The following ZMIZ1 variants were observed in gnomAD, a reference collection of about 807,000 sequenced individuals.
The protein encoded by ZMIZ1 is zinc finger MIZ domain-containing protein 1.
ZMIZ1 carries 17 observed loss-of-function variants against 113.9 expected under a neutral mutation model. The ratio of observed to expected loss-of-function variants is 0.15; its 90% CI spans 0.10 to 0.22. The LOEUF (loss-of-function observed/expected upper bound fraction) is 0.22, where lower values mean the gene tolerates loss of function less well. ZMIZ1 is among the 10% of genes least tolerant of loss of function. The pLI is 1.00. For missense variants in ZMIZ1, 1,059 were observed against 1,477.8 expected (o/e 0.72, Z 4.65); for synonymous variants, 607 against 603.1 (o/e 1.01, Z -0.09).
intron 3 of ZMIZ1, among the ~76,000 whole-genome samples, chr10:79,158,262 C>T (rs192882099): frequency 6.6e-6 from 1 of 152,304 alleles, no homozygotes; most frequent in Non-Finnish European, 1.5e-5. Flanking sequence ...GATGGAAGCC[C>T]TGAACTCCAG....
chr10:79,099,353 G>A (rs558334801), intron 1 of ZMIZ1, among the ~76,000 whole-genome samples: 1 of 152,230 alleles, frequency 6.6e-6, no homozygotes, highest in African/African-American at 2.4e-5. Flanking sequence ...CCTTCCCCAG[G>A]CTGCCTTTGA....
chr10:79,162,894 T>G (rs1370430493), intron 4 of ZMIZ1, among the ~76,000 whole-genome samples: 1 of 152,148 alleles, frequency 6.6e-6, no homozygotes, highest in African/African-American at 2.4e-5. Context: ...GAGGAGCAAC[T>G]GAGAGCAGCT....
intron 1 of ZMIZ1, among the ~76,000 whole-genome samples, chr10:79,085,379 GC>G (rs1842778381): frequency 6.6e-6 from 1 of 152,216 alleles, no homozygotes; most frequent in East Asian, 1.9e-4. Context: ...CGCCAGGCCC[GC>G]AGTTGAGTTC....
intron 7 of ZMIZ1, among the ~76,000 whole-genome samples, chr10:79,232,910 A>G (rs1339533872): frequency 6.6e-6 from 1 of 152,144 alleles, no homozygotes; most frequent in Admixed American, 6.5e-5. Context: ...TGGGGTTCCA[A>G]GCATCCAAGG....
At chr10:79,193,660 C>T (rs188418835) in intron 4 of ZMIZ1, among the ~76,000 whole-genome samples, 18 of 152,150 alleles carry the variant, frequency 1.2e-4, no homozygotes. Context: ...AGTGCTGCTA[C>T]GATGGGGGTG....
rs552522808 is a variant in ZMIZ1 at position 79,288,496 on chromosome 10, C to G, written c.426-1279C>G. 3.9e-4 allele frequency among the ~76,000 whole-genome samples: 59 copies of G among 152,106 alleles called. No individual in the cohort carries two copies. The South Asian group carries it at 0.011, about 27-fold the overall frequency. On this transcript the variant is annotated intron_variant, in intron 8 of 24. Coordinates refer to ENST00000334512, the MANE Select transcript of ZMIZ1 (RefSeq NM_020338.4). ...CTCTTTCCTGTTGCCCGGCCCTTCT[C>G]CCAATTTCCCTCCCCCAACACACAT... is the stretch of plus-strand genomic sequence containing the variant.
intron 4 of ZMIZ1, among the ~76,000 whole-genome samples, chr10:79,166,865 A>G (rs1189690569): frequency 6.6e-6 from 1 of 152,260 alleles, no homozygotes; most frequent in Non-Finnish European, 1.5e-5. Flanking sequence ...GGCCTTGGTC[A>G]GCCAGTCTTC....
At chr10:79,278,668 T>C (rs1268717586) in intron 8 of ZMIZ1, among the ~76,000 whole-genome samples, 1 of 151,896 alleles carries the variant, frequency 6.6e-6, no homozygotes, top group African/African-American at 2.4e-5. Context: ...TTCAAGCATC[T>C]GTTTAACAAA....
In ZMIZ1 at chr10:79,254,759, G is replaced by A. The variant is rs560778472; in HGVS notation, c.281-22422G>A. Among the ~76,000 whole-genome samples the A allele has an allele frequency of 4.6e-5, 7 of 152,290 alleles. 1 individual carries two copies. The highest frequency in any genetic ancestry group is 4.6e-4 in the Admixed American group (7 of 15,306). ...TTTAGACAGGTGGGCGGGGGCGTTGGTGGGTGAGGGTGCCAGGCAATGCAG... is the reference window on the plus strand; with the variant it reads ...TTTAGACAGGTGGGCGGGGGCGTTGATGGGTGAGGGTGCCAGGCAATGCAG... On this transcript the variant is annotated intron_variant, in intron 7 of 24. Transcript: ENST00000334512.
chr10:79,092,837 G>T (rs1047321441), intron 1 of ZMIZ1, among the ~76,000 whole-genome samples: 9 of 152,092 alleles, frequency 5.9e-5, no homozygotes, highest in Admixed American at 3.9e-4. Flanking sequence ...CAGGTAGCTC[G>T]CTTTTCTGTA....
At chr10:79,286,966 T>C (rs915777885) in intron 8 of ZMIZ1, among the ~76,000 whole-genome samples, 1 of 152,206 alleles carries the variant, frequency 6.6e-6, no homozygotes, top group African/African-American at 2.4e-5. Context: ...TGGTGGGAAC[T>C]TGTGGGGCAG....
chr10:79,274,749 G>A (rs751884074), intron 7 of ZMIZ1, among the ~76,000 whole-genome samples: 73 of 152,178 alleles, frequency 4.8e-4, no homozygotes, highest in Admixed American at 2.7e-3. Flanking sequence ...GCCTGTTTGC[G>A]GCATGCCAGA....
intron 9 of ZMIZ1, chr10:79,290,595 G>A (rs1853419805): frequency 2.5e-6 from 1 of 401,278 alleles, no homozygotes; most frequent in South Asian, 2.0e-5. Flanking sequence ...GCTCGTTTGT[G>A]GGGCAGTAGG....
intron 7 of ZMIZ1, among the ~76,000 whole-genome samples, chr10:79,255,416 G>A (rs193225914): frequency 6.6e-6 from 1 of 152,380 alleles, no homozygotes; most frequent in East Asian, 1.9e-4. Flanking sequence ...GCATGGGTAT[G>A]AGTAGGTAAG....
chr10:79,098,551 A>C (rs1033008761), intron 1 of ZMIZ1, among the ~76,000 whole-genome samples: 1 of 152,212 alleles, frequency 6.6e-6, no homozygotes, highest in African/African-American at 2.4e-5. Flanking sequence ...CATTGCAAGC[A>C]CCTGATAAGT....
At chr10:79,311,966 G>A (rs1295125582) in intron 24 of ZMIZ1, among the ~76,000 whole-genome samples, 2 of 152,168 alleles carry the variant, frequency 1.3e-5, no homozygotes, top group African/African-American at 4.8e-5. Context: ...CAGCATCAGA[G>A]GAGCTCTGTG....
chr10:79,254,272 C>A lies in ZMIZ1; in HGVS notation c.281-22909C>A, dbSNP rs192731449. 1.7e-3 allele frequency among the ~76,000 whole-genome samples: 253 copies of A among 152,332 alleles called. 2 individuals are homozygous for A. The highest frequency in any genetic ancestry group is 1.1e-3 in the Non-Finnish European group (75 of 68,036). On this transcript the variant is annotated intron_variant, in intron 7 of 24. Coordinates refer to ENST00000334512, the MANE Select transcript of ZMIZ1 (RefSeq NM_020338.4). ...GGGCCAGTCTTAGGGAAGTTCAGGG[C>A]CAGAACCCCAAGTGGACCTGCAGGG...
At chr10:79,165,951 T>C (rs569355349) in intron 4 of ZMIZ1, among the ~76,000 whole-genome samples, 34 of 15,238 alleles carry the variant, frequency 2.2e-3, no homozygotes, top group African/African-American at 7.4e-3. Context: ...AGCTCAGCTG[T>C]GTGTGTGTGT....
At chr10:79,133,531 T>C (rs1309602243) in intron 2 of ZMIZ1, among the ~76,000 whole-genome samples, 3 of 152,128 alleles carry the variant, frequency 2.0e-5, no homozygotes, top group Admixed American at 6.5e-5. Context: ...GACAAGAGTA[T>C]AAAAACAGCT....
Sources: allele counts gnomAD v4.1 joint callset (sites outside exome capture counted in the v4.1 genomes callset), GRCh38; gene constraint gnomAD v4.1.1; transcripts MANE v1.5; gene names NCBI Gene and HGNC (gene_info 2026-07-23, HGNC 2026-07-21).